Variants in GID4 observed in about 807,000 individuals in gnomAD.
The protein encoded by GID4 is glucose-induced degradation protein 4 homolog.
A neutral mutation model predicts 32.4 loss-of-function variants in GID4; 7 were observed. The ratio of observed to expected loss-of-function variants is 0.22; its 90% CI spans 0.12 to 0.41. The LOEUF (loss-of-function observed/expected upper bound fraction) is 0.41, where lower values mean the gene tolerates loss of function less well. Among genes scored for constraint, GID4 ranks in the 10% least tolerant of loss-of-function variants. GID4 has a pLI of 1.00. For missense variants in GID4, 309 were observed against 400.0 expected (o/e 0.77, Z 1.94); for synonymous variants, 166 against 170.0 (o/e 0.98, Z 0.18).
chr17:18,050,232 G>A (rs748454997), intron 2 of GID4, among the ~76,000 whole-genome samples: 7 of 152,146 alleles, frequency 4.6e-5, no homozygotes, highest in Non-Finnish European at 1.0e-4. Flanking sequence ...ACTCCTCTGG[G>A]TGTATACCCA....
At chr17:18,044,529 T>A (rs934805106) in intron 1 of GID4, among the ~76,000 whole-genome samples, 1 of 152,160 alleles carries the variant, frequency 6.6e-6, no homozygotes, top group Non-Finnish European at 1.5e-5. Context: ...ATGCACAGAG[T>A]GAACATTCAC....
chr17:18,060,485 A>T (rs1230025466), intron 4 of GID4, among the ~76,000 whole-genome samples: 1 of 151,882 alleles, frequency 6.6e-6, no homozygotes, highest in African/African-American at 2.4e-5. Flanking sequence ...AGGGAACAGT[A>T]TGCTCACGAG....
In GID4 at chr17:18,039,450, T is replaced by G; in HGVS notation, c.-15T>G. On this transcript the variant is annotated 5_prime_UTR_variant, in exon 1 of 6. Transcript: ENST00000268719. This position sits in a 1 kb window ranked among gnomAD's most constrained non-coding sequence, Gnocchi z 5.3. ...TGTTTGTGTGTTGTGTGTCTGTGAGTGTCTGTGTGTGTGTATGTGTGCGCG... is the reference window on the plus strand; with the variant it reads ...TGTTTGTGTGTTGTGTGTCTGTGAGGGTCTGTGTGTGTGTATGTGTGCGCG... 7.2e-7 allele frequency: 1 copy of G among 1,381,282 alleles called. No individual in the cohort carries two copies. The highest frequency in any genetic ancestry group is 9.4e-7 in the Non-Finnish European group (1 of 1,067,700). The allele number at this position is 1,381,282 out of a possible 1,614,324, so 85.6% of individuals were successfully genotyped here. A position where few individuals can be genotyped will look rare whatever the true frequency, so the allele number is the denominator to read the frequency against.
intron 2 of GID4, among the ~76,000 whole-genome samples, chr17:18,048,460 T>C (rs1289186894): frequency 2.0e-5 from 3 of 152,176 alleles, no homozygotes; most frequent in Admixed American, 6.5e-5. Flanking sequence ...CCCAAAGTGT[T>C]GGGATTACAG....
rs146981384 is a variant in GID4, at chr17:18,061,871, G to A, written c.735G>A (p.Thr245=). ...AACAGTTTCTGGTCCCAGATCACAC[G>A]ATCAAAGACATCAGTGGTGCTTCTT... ...WKEQFLVPDH[T]IKDISGASFA... is the part of the protein sequence containing the mutation. The change falls in exon 5 of 6, where the codon ACG becomes ACA. Residue 245 remains threonine, a synonymous_variant. Coordinates refer to ENST00000268719, the MANE Select transcript of GID4 (RefSeq NM_024052.5). The surrounding 1 kb of genome is among the most constrained non-coding windows in gnomAD (Gnocchi z 4.4). The A allele has an allele frequency of 9.9e-6, 16 of 1,614,064 alleles. No homozygotes were observed. The East Asian group carries it at 1.6e-4, about 16-fold the overall frequency.
intron 1 of GID4, among the ~76,000 whole-genome samples, chr17:18,040,867 C>T (rs76850746): frequency 1.3e-5 from 2 of 152,296 alleles, no homozygotes; most frequent in African/African-American, 4.8e-5. Flanking sequence ...TCGCCTCCCC[C>T]CATTTGACCT....
At chr17:18,054,991 G>A (rs1728725402) in intron 3 of GID4, among the ~76,000 whole-genome samples, 1 of 152,088 alleles carries the variant, frequency 6.6e-6, no homozygotes, top group Non-Finnish European at 1.5e-5. Flanking sequence ...CTAACACGGT[G>A]AAACCTCGTC....
intron 5 of GID4, among the ~76,000 whole-genome samples, chr17:18,063,041 T>C (rs1185174974): frequency 6.6e-6 from 1 of 150,426 alleles, no homozygotes; most frequent in Non-Finnish European, 1.5e-5. Flanking sequence ...GCCATTGCAC[T>C]CCAGCCTGGG....
intron 3 of GID4, chr17:18,056,810 G>A: frequency 6.4e-7 from 1 of 1,550,624 alleles, no homozygotes; most frequent in Non-Finnish European, 8.7e-7. Flanking sequence ...GTGAGGTGTG[G>A]TTGAGCCAGG....
Position 18,058,972 on chromosome 17 carries a change from A to T in GID4, c.708+3A>T, listed in dbSNP as rs567708732. The T allele has an allele frequency of 3.8e-6, 6 of 1,581,186 alleles. No individual in the cohort carries two copies. In the South Asian group the frequency reaches 6.6e-5, roughly 17 times the overall value. On this transcript the variant is annotated splice_donor_region_variant and intron_variant, in intron 4 of 5. Transcript: ENST00000268719. Reference sequence around the variant, plus strand: ...ACTACGTCTTCATGAGGTGGAAGGTAAGTTCCCACCAGGTGGCCCTCCAGA... The same window carrying T: ...ACTACGTCTTCATGAGGTGGAAGGTTAGTTCCCACCAGGTGGCCCTCCAGA...
At chr17:18,058,439 C>A (rs2044990101) in intron 3 of GID4, among the ~76,000 whole-genome samples, 1 of 152,204 alleles carries the variant, frequency 6.6e-6, no homozygotes, top group African/African-American at 2.4e-5. Flanking sequence ...TGCAGAGACA[C>A]AAGCTTCACA....
chr17:18,060,794 C>T (rs962268891), intron 4 of GID4, among the ~76,000 whole-genome samples: 17 of 152,130 alleles, frequency 1.1e-4, no homozygotes, highest in South Asian at 8.3e-4. Context: ...AGTGCAATGG[C>T]GCGATCTCGG....
At chr17:18,048,927 G>A (rs2044882244) in intron 2 of GID4, among the ~76,000 whole-genome samples, 1 of 151,980 alleles carries the variant, frequency 6.6e-6, no homozygotes, top group Non-Finnish European at 1.5e-5. Context: ...ACAAGCATGA[G>A]CCACCGTGCC....
At position 18,067,050 on chromosome 17, in the gene GID4, T is replaced by C. The variant is rs1203702837; in HGVS notation, c.*1807T>C. ...AAATTCAACAAGGCATCAGAAGGGCTGGCTGTGGTCAAGCCCAGCTGCTGT... is the reference window on the plus strand; with the variant it reads ...AAATTCAACAAGGCATCAGAAGGGCCGGCTGTGGTCAAGCCCAGCTGCTGT... On this transcript the variant is annotated 3_prime_UTR_variant, in exon 6 of 6. Coordinates refer to ENST00000268719, the MANE Select transcript of GID4 (RefSeq NM_024052.5). 1 of 152,238 alleles carries C rather than the reference T, an allele frequency of 6.6e-6. No homozygotes were observed. Among genetic ancestry groups the C allele is most frequent in the Non-Finnish European group, 1.5e-5 (1 of 68,056 alleles). The allele number at this position is 152,238 out of a possible 1,614,324, so 9.4% of individuals were successfully genotyped here.
chr17:18,052,003 G>A (rs1361253692), intron 2 of GID4, among the ~76,000 whole-genome samples: 3 of 151,508 alleles, frequency 2.0e-5, no homozygotes, highest in Admixed American at 6.6e-5. Flanking sequence ...GAACCCGGGA[G>A]GCAGAGGTTG....
chr17:18,059,589 G>C (rs1036415355), intron 4 of GID4, among the ~76,000 whole-genome samples: 5 of 152,110 alleles, frequency 3.3e-5, no homozygotes, highest in Admixed American at 1.3e-4. Flanking sequence ...TGTGCTCCCT[G>C]CTTTGATAAC....
chr17:18,039,489 AG>A lies in GID4; in HGVS notation c.30del (p.Thr11ProfsTer131). 7.5e-7 allele frequency: 1 copy of A among 1,332,986 alleles called. No homozygotes were observed. Among genetic ancestry groups the A allele is most frequent in the Non-Finnish European group, 9.6e-7 (1 of 1,046,488 alleles). The allele number at this position is 1,332,986 out of a possible 1,614,324, so 82.6% of individuals were successfully genotyped here. ...TATGTGTGCGCGAGGGCAAGTCGGG[AG>A]GGGGACCCAGCTCAGGACTGGGAGG... Reference protein sequence around the residue: MCARGQVGRGTQLRTGRPC... With the variant: MCARGQVGXGTQLRTGRPC... On this transcript the variant is annotated frameshift_variant, in exon 1 of 6. Transcript: ENST00000268719. LOFTEE classifies it high-confidence loss of function. This position sits in a 1 kb window ranked among gnomAD's most constrained non-coding sequence, Gnocchi z 5.3.
At chr17:18,052,579 G>A (rs2044922929) in intron 2 of GID4, among the ~76,000 whole-genome samples, 1 of 152,180 alleles carries the variant, frequency 6.6e-6, no homozygotes, top group African/African-American at 2.4e-5. Context: ...CATGCTCCTG[G>A]CAGACACCAG....
chr17:18,058,494 T>C (rs181953783), intron 3 of GID4, among the ~76,000 whole-genome samples: 1 of 152,378 alleles, frequency 6.6e-6, no homozygotes, highest in Non-Finnish European at 1.5e-5. Flanking sequence ...TAAGCTGTTT[T>C]GCATGGCTCT....
Sources: allele counts gnomAD v4.1 joint callset (sites outside exome capture counted in the v4.1 genomes callset), GRCh38; gene constraint gnomAD v4.1.1; non-coding constraint Gnocchi (gnomAD v3.1); transcripts MANE v1.5; gene names NCBI Gene and HGNC (gene_info 2026-07-23, HGNC 2026-07-21).